C19orf47: variants seen among roughly 807,000 people sequenced by gnomAD.
C19orf47 encodes chromosome 19 open reading frame 47, also known as uncharacterized protein C19orf47.
C19orf47 carries 18 observed loss-of-function variants against 32.3 expected under a neutral mutation model. The ratio of observed to expected loss-of-function variants is 0.56; its 90% confidence interval spans 0.39 to 0.83. The LOEUF is 0.83. C19orf47 is among the 40% of genes least tolerant of loss of function. C19orf47 has a pLI of 0.00. For synonymous variants in C19orf47, 202 were observed against 211.1 expected (o/e 0.96, Z 0.37); for missense variants, 484 against 531.6 (o/e 0.91, Z 0.88).
chr19:40,308,140 G>A, the C19orf47 span, among the ~76,000 whole-genome samples: 2 of 151,786 alleles, frequency 1.3e-5, no homozygotes, highest in African/African-American at 2.4e-5. Flanking sequence ...TCTGGAGGGA[G>A]GAAAGGCAAC....
At chr19:40,330,385 T>C (rs989346894) in intron 5 of C19orf47, among the ~76,000 whole-genome samples, 5 of 151,768 alleles carry the variant, frequency 3.3e-5, no homozygotes, top group Admixed American at 6.6e-5. Context: ...CCCATCACCA[T>C]GCCCGGCTAA....
In C19orf47 at chr19:40,321,468, A is replaced by T. The variant is rs2077716654; in HGVS notation, c.*414T>A. 9.9e-7 allele frequency: 1 copy of T among 1,010,406 alleles called. No individual in the cohort carries two copies. Among genetic ancestry groups the T allele is most frequent in the Non-Finnish European group, 1.2e-6 (1 of 845,280 alleles). 62.6% of individuals were successfully genotyped at this position (1,010,406 alleles called of 1,614,324 possible). A position where few individuals can be genotyped will look rare whatever the true frequency, so the allele number is the denominator to read the frequency against. On this transcript the variant is annotated 3_prime_UTR_variant, in exon 9 of 9. Transcript: ENST00000683109. ...GAGGGAGGTCAGTGGGGAGTGGGGG[A>T]AGGGAGGCCCACCAGGTGACACCCA...
At position 40,321,557 on chromosome 19, in the gene C19orf47, G is replaced by A; in HGVS notation, c.*325C>T. ...CTGAGGCAGCAGACCCTGCTCAGGG[G>A]AAGAAGGGGAATGTAGGAGAGGAAG... On this transcript the variant is annotated 3_prime_UTR_variant, in exon 9 of 9. Coordinates refer to ENST00000683109, the MANE Select transcript of C19orf47 (RefSeq NM_001256441.2). The A allele has an allele frequency of 9.1e-7, 1 of 1,103,648 alleles. No homozygotes were observed. The allele number at this position is 1,103,648 out of a possible 1,614,324, so 68.4% of individuals were successfully genotyped here. A position where few individuals can be genotyped will look rare whatever the true frequency, so the allele number is the denominator to read the frequency against.
At chr19:40,340,075 G>A (rs1237169155) in intron 2 of C19orf47, among the ~76,000 whole-genome samples, 2 of 151,802 alleles carry the variant, frequency 1.3e-5, no homozygotes, top group Middle Eastern at 3.4e-3. Context: ...AGAGGGGAGT[G>A]AGATTGGGGT....
chr19:40,346,421 C>A (rs1018393677), intron 1 of C19orf47, among the ~76,000 whole-genome samples: 1 of 138,926 alleles, frequency 7.2e-6, no homozygotes, highest in Admixed American at 7.7e-5. Context: ...CCAGCCTGGG[C>A]AACAGAGCGA....
chr19:40,333,249 A>G (rs948486400), intron 5 of C19orf47, among the ~76,000 whole-genome samples: 1 of 148,422 alleles, frequency 6.7e-6, no homozygotes, highest in Admixed American at 7.0e-5. Context: ...CAGAGACTCC[A>G]TCTCAAAATA....
At chr19:40,337,194 T>G (rs1454487719) in intron 2 of C19orf47, among the ~76,000 whole-genome samples, 2 of 152,180 alleles carry the variant, frequency 1.3e-5, no homozygotes, top group South Asian at 2.1e-4. Flanking sequence ...ACAGCCCCAA[T>G]GTCCTTGAGT....
intron 4 of C19orf47, among the ~76,000 whole-genome samples, chr19:40,334,266 C>T (rs1024615849): frequency 6.6e-6 from 1 of 151,104 alleles, no homozygotes; most frequent in African/African-American, 2.4e-5. Context: ...CTGGCCAACA[C>T]AGTGGGACGC....
At chr19:40,316,783 C>T (rs1056735488), downstream of C19orf47, among the ~76,000 whole-genome samples, 12 of 152,108 alleles carry the variant, frequency 7.9e-5, no homozygotes, top group African/African-American at 2.9e-4. Flanking sequence ...TCGAAGTCAC[C>T]CCTGAATTGA....
chr19:40,341,721 C>G, intron 2 of C19orf47, 118 bp downstream of exon 2: 1 of 1,434,438 alleles, frequency 7.0e-7, no homozygotes, highest in South Asian at 1.3e-5. Context: ...CCTCAGAGTA[C>G]AGCTGTTCCT....
chr19:40,332,282 G>A (rs1181783063), intron 5 of C19orf47, among the ~76,000 whole-genome samples: 1 of 152,004 alleles, frequency 6.6e-6, no homozygotes, highest in Non-Finnish European at 1.5e-5. Context: ...CACTTAACCT[G>A]GGAGGCAGAG....
chr19:40,311,335 C>T, the C19orf47 span, among the ~76,000 whole-genome samples: 20 of 151,486 alleles, frequency 1.3e-4, no homozygotes, highest in African/African-American at 4.6e-4. Context: ...GCCAAAATCA[C>T]GCCATTGCAC....
At chr19:40,336,299 C>G (rs1349805639) in intron 3 of C19orf47, 21 bp downstream of exon 3, 1 of 1,614,128 alleles carries the variant, frequency 6.2e-7, no homozygotes, top group Non-Finnish European at 8.5e-7. Context: ...ACCACCCCAT[C>G]CCCAAGTTCA....
At chr19:40,327,763 C>A (rs1294717188) in intron 6 of C19orf47, among the ~76,000 whole-genome samples, 1 of 152,094 alleles carries the variant, frequency 6.6e-6, no homozygotes, top group Non-Finnish European at 1.5e-5. Flanking sequence ...CAGAGGCCAA[C>A]ATGGAGCAGT....
chr19:40,324,187 G>T, intron 7 of C19orf47, 111 bp from the exon 8 acceptor site: 2 of 1,019,122 alleles, frequency 2.0e-6, no homozygotes, highest in East Asian at 2.4e-5. Context: ...GACAGGCAGG[G>T]CCAGACTGTG....
At chr19:40,304,897 G>A in the C19orf47 span, among the ~76,000 whole-genome samples, 33 of 152,114 alleles carry the variant, frequency 2.2e-4, 1 homozygote, top group African/African-American at 8.0e-4. Context: ...TTAAAGCTCT[G>A]TACTAGGCTG....
chr19:40,322,259 G>C lies in C19orf47; in HGVS notation c.781C>G (p.Leu261Val). The change falls in exon 9 of 9, where the codon CTA becomes GTA. Residue 261 changes from leucine (L) to valine (V), a missense_variant. This residue lies in a region of C19orf47 where 376 missense variants were observed against 370.2 expected (regional missense o/e 1.02). Coordinates refer to ENST00000683109, the MANE Select transcript of C19orf47 (RefSeq NM_001256441.2). ...CTGGCCTTGGCTGGGCCCCGTCCTA[G>C]CTTCTTCAGGACCCCGGCATACTGC... Reference protein sequence around the residue: ...VLQYAGVLKKLGRGPAKASPQ... With the variant: ...VLQYAGVLKKVGRGPAKASPQ... 1.2e-6 allele frequency: 2 copies of C among 1,608,836 alleles called. No individual in the cohort carries two copies. Among genetic ancestry groups the C allele is most frequent in the Non-Finnish European group, 1.7e-6 (2 of 1,179,970 alleles).
chr19:40,294,737 A>T, the C19orf47 span, among the ~76,000 whole-genome samples: 1 of 152,268 alleles, frequency 6.6e-6, no homozygotes, highest in Non-Finnish European at 1.5e-5. Context: ...TGAGGGTGCA[A>T]GTGTCAGCCT....
At chr19:40,296,948 G>C in the C19orf47 span, among the ~76,000 whole-genome samples, 2 of 151,854 alleles carry the variant, frequency 1.3e-5, no homozygotes, top group African/African-American at 2.4e-5. Flanking sequence ...CACTTGTAGA[G>C]GGCATCTCCA....
Sources: allele counts gnomAD v4.1 joint callset (sites outside exome capture counted in the v4.1 genomes callset), GRCh38; gene constraint gnomAD v4.1.1; regional missense constraint gnomAD v4.1.1; transcripts MANE v1.5; gene names NCBI Gene and HGNC (gene_info 2026-07-23, HGNC 2026-07-21).